Variants in IFT80 observed in about 807,000 individuals in gnomAD.
The protein encoded by IFT80 is intraflagellar transport protein 80 homolog.
A neutral mutation model predicts 107.9 loss-of-function variants in IFT80; 79 were observed. That is an observed-to-expected ratio of 0.73 (90% CI 0.61 to 0.88). The LOEUF is 0.88. Among genes scored for constraint, IFT80 ranks in the 40% least tolerant of loss-of-function variants. The pLI is 0.00. For synonymous variants in IFT80, 299 were observed against 300.9 expected (o/e 0.99, Z 0.07); for missense variants, 797 against 914.2 (o/e 0.87, Z 1.65).
At chr3:160,375,091 A>G (rs921892628) in intron 5 of IFT80, among the ~76,000 whole-genome samples, 1 of 152,206 alleles carries the variant, frequency 6.6e-6, no homozygotes, top group Admixed American at 6.6e-5. Context: ...ATATGACTTT[A>G]TCAAATAGTT....
rs373224688 is a variant in IFT80, at chr3:160,270,296, T to C, written c.2100-1760A>G. On this transcript the variant is annotated intron_variant, in intron 18 of 19. Coordinates refer to ENST00000326448, the MANE Select transcript of IFT80 (RefSeq NM_020800.3). The stretch of plus-strand genomic sequence containing the variant: ...GATTATAGCTGTGAGCCACCGTGCC[T>C]GGCTTGGTTTGCCTTACTATTGATC... 1.1e-4 allele frequency among the ~76,000 whole-genome samples: 16 copies of C among 152,300 alleles called. No individual in the cohort carries two copies. The East Asian group carries it at 1.2e-3, about 11-fold the overall frequency.
chr3:160,267,726 CT>C (rs1463123319), intron 19 of IFT80, among the ~76,000 whole-genome samples: 3 of 152,082 alleles, frequency 2.0e-5, no homozygotes, highest in East Asian at 3.9e-4. Context: ...TGACTTCCTT[CT>C]TTTTATTTTT....
intron 1 of IFT80, among the ~76,000 whole-genome samples, chr3:160,390,398 C>T (rs1189688015): frequency 7.2e-6 from 1 of 138,950 alleles, no homozygotes; most frequent in African/African-American, 2.8e-5. Context: ...GCCTGGGCAA[C>T]AAGAGTGAAA....
At chr3:160,331,888 C>T (rs544575753) in intron 8 of IFT80, among the ~76,000 whole-genome samples, 42 of 152,236 alleles carry the variant, frequency 2.8e-4, no homozygotes, top group African/African-American at 1.0e-3. Flanking sequence ...AACTCTTGAG[C>T]TCAAGTGATC....
At chr3:160,364,893 C>T (rs1459605158) in intron 6 of IFT80, among the ~76,000 whole-genome samples, 2 of 151,814 alleles carry the variant, frequency 1.3e-5, no homozygotes, top group East Asian at 1.9e-4. Flanking sequence ...AGGAGAAATA[C>T]CTAATATAAA....
At chr3:160,346,363 A>G (rs1576843934) in intron 8 of IFT80, among the ~76,000 whole-genome samples, 3 of 152,206 alleles carry the variant, frequency 2.0e-5, no homozygotes, top group Admixed American at 1.3e-4. Flanking sequence ...CCTGTACCTC[A>G]TAAGTATATA....
At chr3:160,262,481 G>A (rs1039105860) in intron 19 of IFT80, among the ~76,000 whole-genome samples, 1 of 131,386 alleles carries the variant, frequency 7.6e-6, no homozygotes, top group Admixed American at 7.0e-5. Context: ...TACCACACCT[G>A]GCTAATTTTT....
intron 8 of IFT80, among the ~76,000 whole-genome samples, chr3:160,323,408 G>T (rs1371815507): frequency 6.6e-6 from 1 of 151,610 alleles, no homozygotes. Flanking sequence ...CTCTGTTTTG[G>T]TACCAGTACC....
chr3:160,307,582 C>T lies in IFT80; in HGVS notation c.1076+81G>A, dbSNP rs142778828. 6.2e-4 allele frequency: 520 copies of T among 838,196 alleles called. 1 individual carries two copies. In the East Asian group the frequency reaches 0.011, roughly 17 times the overall value. 51.9% of individuals were successfully genotyped at this position (838,196 alleles called of 1,614,324 possible). ...AGAAAGTTAAGCTTAAACCAAACCACGCTGATGTGAAATCCTGAAAATAAA... is the reference window on the plus strand; with the variant it reads ...AGAAAGTTAAGCTTAAACCAAACCATGCTGATGTGAAATCCTGAAAATAAA... On this transcript the variant is annotated intron_variant, in intron 10 of 19. Transcript: ENST00000326448.
At chr3:160,341,428 G>C (rs531331929) in intron 8 of IFT80, among the ~76,000 whole-genome samples, 2 of 151,656 alleles carry the variant, frequency 1.3e-5, no homozygotes, top group African/African-American at 4.8e-5. Context: ...TGTGGTACTG[G>C]ATTATTAAAG....
At chr3:160,375,497 T>A (rs6764107) in intron 5 of IFT80, among the ~76,000 whole-genome samples, 5,319 of 152,234 alleles carry the variant, frequency 0.035, 326 homozygotes, top group African/African-American at 0.12. Flanking sequence ...CAATTCTATA[T>A]AAGATATGCT....
At chr3:160,291,520 A>G in intron 12 of IFT80, among the ~76,000 whole-genome samples, 1 of 152,204 alleles carries the variant, frequency 6.6e-6, no homozygotes, top group Admixed American at 6.5e-5. Context: ...CAATTAACCA[A>G]CAAATAGCTG....
chr3:160,298,538 C>T (rs1716165840), intron 12 of IFT80, among the ~76,000 whole-genome samples: 1 of 152,074 alleles, frequency 6.6e-6, no homozygotes, highest in South Asian at 2.1e-4. Context: ...TATCAATTAT[C>T]AATGGATTAA....
At chr3:160,329,345 T>A (rs1371407218) in intron 8 of IFT80, among the ~76,000 whole-genome samples, 1 of 152,172 alleles carries the variant, frequency 6.6e-6, no homozygotes, top group African/African-American at 2.4e-5. Flanking sequence ...TAAAAGGGAA[T>A]GAGACAGCTG....
In IFT80 at chr3:160,291,637, G is replaced by T. The variant is rs184249766; in HGVS notation, c.1316-5769C>A. Among the ~76,000 whole-genome samples, 3 of 152,344 alleles carry T rather than the reference G, an allele frequency of 2.0e-5. No homozygotes were observed. The East Asian group carries it at 5.8e-4, about 29-fold the overall frequency. The stretch of plus-strand genomic sequence containing the variant: ...ACAAATAAGCGTGGTGGGCTGCACT[G>T]CATGCTGTTTGCCTCAATATCTGAG... On this transcript the variant is annotated intron_variant, in intron 12 of 19. Transcript: ENST00000326448.
At chr3:160,394,790 T>G (rs1374678548) in intron 1 of IFT80, among the ~76,000 whole-genome samples, 1 of 151,976 alleles carries the variant, frequency 6.6e-6, no homozygotes, top group Non-Finnish European at 1.5e-5. Context: ...TGAGATGAAT[T>G]TGTACATGTT....
At chr3:160,291,597 CAGA>C (rs1199622738) in intron 12 of IFT80, among the ~76,000 whole-genome samples, 1 of 152,202 alleles carries the variant, frequency 6.6e-6, no homozygotes, top group African/African-American at 2.4e-5. Flanking sequence ...ATTCCTCTGA[CAGA>C]AGAAGGTGAA....
chr3:160,388,038 G>T (rs1334754373), intron 1 of IFT80, among the ~76,000 whole-genome samples: 1 of 138,732 alleles, frequency 7.2e-6, no homozygotes. Context: ...GAACTGACAG[G>T]CCAGGGATTT....
At chr3:160,267,518 G>T (rs1490562238) in intron 19 of IFT80, among the ~76,000 whole-genome samples, 1 of 152,208 alleles carries the variant, frequency 6.6e-6, no homozygotes, top group Non-Finnish European at 1.5e-5. Flanking sequence ...GGTTCACAGA[G>T]CTGAAAGAAA....
Sources: gnomAD v4.1 joint callset for allele counts (sites outside exome capture counted in the v4.1 genomes callset) on GRCh38, gnomAD v4.1.1 for gene constraint, MANE v1.5 for transcripts, NCBI Gene and HGNC (gene_info 2026-07-23, HGNC 2026-07-21) for gene names.